Variants in OCA2 observed in about 807,000 individuals in gnomAD.
OCA2 encodes P protein.
Under a neutral mutation model 100.2 loss-of-function variants are expected in OCA2, and 77 were observed. The observed-to-expected ratio is 0.77, with a 90% CI of 0.64 to 0.93. The LOEUF is 0.93. OCA2 is among the 40% of genes least tolerant of loss of function. OCA2 has a pLI of 0.00. For missense variants in OCA2, 1,062 were observed against 1,089.1 expected (o/e 0.98, Z 0.35); for synonymous variants, 432 against 439.2 (o/e 0.98, Z 0.21).
intron 23 of OCA2, among the ~76,000 whole-genome samples, chr15:27,778,843 T>C (rs1373609628): frequency 6.6e-6 from 1 of 152,226 alleles, no homozygotes; most frequent in African/African-American, 2.4e-5. Flanking sequence ...TTAGGCTCCT[T>C]GCAGGAGGTA....
rs116566533 is a variant in OCA2, at chr15:28,056,200, C to T, written c.228-24037G>A. On this transcript the variant is annotated intron_variant, in intron 2 of 23. Coordinates refer to ENST00000354638, the MANE Select transcript of OCA2 (RefSeq NM_000275.3). ...GCTCCACAGCCCACCATGGGACCTG[C>T]CTGTGTGCTTCCCATGTAGAAACAG... Among the ~76,000 whole-genome samples the T allele has an allele frequency of 4.4e-3, 663 of 152,276 alleles. 5 individuals are homozygous for T. The highest frequency in any genetic ancestry group is 0.015 in the African/African-American group (636 of 41,550).
chr15:28,041,258 A>C (rs2043192309), intron 2 of OCA2, among the ~76,000 whole-genome samples: 1 of 123,274 alleles, frequency 8.1e-6, no homozygotes, highest in African/African-American at 5.4e-5. Context: ...AAAGAAAAAA[A>C]AACGTGAGCA....
chr15:27,724,098 C>T, the OCA2 span, among the ~76,000 whole-genome samples: 1 of 152,106 alleles, frequency 6.6e-6, no homozygotes, highest in South Asian at 2.1e-4. Flanking sequence ...CAGAGGTGGC[C>T]AAAGGCTTTC....
chr15:27,902,015 G>C lies in OCA2; in HGVS notation c.2079+24112C>G, dbSNP rs548520992. Among the ~76,000 whole-genome samples the C allele has an allele frequency of 2.9e-4, 44 of 152,300 alleles. 1 individual carries two copies. The Middle Eastern group carries it at 0.017, about 59-fold the overall frequency. The stretch of plus-strand genomic sequence containing the variant: ...GAGGGGGAGAGCACTCAACTCATCT[G>C]ACCTCTGAAATGTATTCATAAAATG... On this transcript the variant is annotated intron_variant, in intron 19 of 23. Transcript: ENST00000354638.
chr15:27,972,515 T>G (rs2040824640), intron 14 of OCA2, among the ~76,000 whole-genome samples: 1 of 152,224 alleles, frequency 6.6e-6, no homozygotes, highest in African/African-American at 2.4e-5. Context: ...ACATCTATTG[T>G]TTTTTGACTT....
intron 19 of OCA2, among the ~76,000 whole-genome samples, chr15:27,885,056 A>G (rs1302518555): frequency 6.6e-6 from 1 of 152,260 alleles, no homozygotes; most frequent in Non-Finnish European, 1.5e-5. Flanking sequence ...AGATCTTAAC[A>G]TTTCTCAAGA....
At chr15:27,921,357 A>C (rs544546540) in intron 19 of OCA2, among the ~76,000 whole-genome samples, 1 of 152,342 alleles carries the variant, frequency 6.6e-6, no homozygotes, top group African/African-American at 2.4e-5. Flanking sequence ...GTGAAACAAA[A>C]CTGTATTTTA....
intron 1 of OCA2, among the ~76,000 whole-genome samples, chr15:28,085,469 C>T (rs1054775763): frequency 1.3e-5 from 2 of 152,122 alleles, no homozygotes; most frequent in Non-Finnish European, 2.9e-5. Context: ...AAGCCAGAGC[C>T]CAAGCTGGAG....
chr15:27,878,890 G>A (rs2036897215), intron 19 of OCA2, among the ~76,000 whole-genome samples: 2 of 151,968 alleles, frequency 1.3e-5, no homozygotes, highest in Admixed American at 1.3e-4. Context: ...ACATGTGCAG[G>A]AAGTATAGGT....
intron 3 of OCA2, among the ~76,000 whole-genome samples, chr15:28,028,474 T>A (rs1183681504): frequency 6.6e-6 from 1 of 152,008 alleles, no homozygotes; most frequent in Admixed American, 6.5e-5. Flanking sequence ...TCTGTGTAGA[T>A]CTCTTTCTGC....
chr15:28,037,972 G>A (rs1475847862), intron 2 of OCA2, among the ~76,000 whole-genome samples: 1 of 152,180 alleles, frequency 6.6e-6, no homozygotes, highest in East Asian at 1.9e-4. Context: ...TGCCCAGCAG[G>A]CTGACTAGCA....
intron 21 of OCA2, among the ~76,000 whole-genome samples, chr15:27,865,849 G>T (rs942327348): frequency 6.6e-6 from 1 of 152,086 alleles, no homozygotes; most frequent in Non-Finnish European, 1.5e-5. Flanking sequence ...CTAGACCCGC[G>T]TTGCCACCCA....
At chr15:27,931,906 G>A (rs917652919) in intron 18 of OCA2, among the ~76,000 whole-genome samples, 4 of 152,084 alleles carry the variant, frequency 2.6e-5, no homozygotes, top group African/African-American at 9.7e-5. Flanking sequence ...TGTTCATCTG[G>A]TCCTCACTGA....
chr15:27,938,686 AAC>A, intron 18 of OCA2, among the ~76,000 whole-genome samples: 1 of 152,314 alleles, frequency 6.6e-6, no homozygotes, highest in East Asian at 1.9e-4. Context: ...GTCCTTGATA[AAC>A]ACAAGTACCA....
chr15:28,039,750 T>A (rs1423690540), intron 2 of OCA2, among the ~76,000 whole-genome samples: 2 of 152,124 alleles, frequency 1.3e-5, no homozygotes, highest in Admixed American at 1.3e-4. Context: ...GAAGAGGAAG[T>A]TTGGCCAGGC....
chr15:28,022,702 A>G, intron 5 of OCA2, 129 bp from the exon 6 acceptor site: 2 of 719,390 alleles, frequency 2.8e-6, no homozygotes, highest in Non-Finnish European at 5.0e-6. Flanking sequence ...GCGCCAGCTT[A>G]CTCTGAATAG....
chr15:28,027,155 G>A (rs1478286980), intron 4 of OCA2, among the ~76,000 whole-genome samples: 2 of 152,252 alleles, frequency 1.3e-5, no homozygotes, highest in African/African-American at 4.8e-5. Flanking sequence ...AAATAGGCCA[G>A]TAAGGTGAGA....
the OCA2 span, among the ~76,000 whole-genome samples, chr15:27,720,231 G>A: frequency 2.6e-5 from 4 of 152,116 alleles, no homozygotes; most frequent in South Asian, 8.3e-4. Context: ...TCCATTAAGA[G>A]TGAATGAATA....
intron 17 of OCA2, among the ~76,000 whole-genome samples, chr15:27,953,449 G>C (rs1346400000): frequency 1.3e-5 from 2 of 152,188 alleles, no homozygotes; most frequent in Non-Finnish European, 2.9e-5. Context: ...TTTCCTACAT[G>C]ATTCTGTGCT....
Sources: gnomAD v4.1 joint callset for allele counts (sites outside exome capture counted in the v4.1 genomes callset) on GRCh38, gnomAD v4.1.1 for gene constraint, MANE v1.5 for transcripts, NCBI Gene and HGNC (gene_info 2026-07-23, HGNC 2026-07-21) for gene names.